Variants in WHRN observed in about 807,000 individuals in gnomAD.
The protein encoded by WHRN is CASK-interacting protein CIP98.
A neutral mutation model predicts 68.3 loss-of-function variants in WHRN; 41 were observed. That is an observed-to-expected ratio of 0.60 (90% CI 0.47 to 0.78). The LOEUF is 0.78. WHRN is among the 30% of genes least tolerant of loss of function. WHRN has a pLI of 0.00. For missense variants in WHRN, 1,243 were observed against 1,244.7 expected (o/e 1.00, Z 0.02); for synonymous variants, 560 against 561.3 (o/e 1.00, Z 0.03).
chr9:114,405,328 C>T (rs117421574), intron 9 of WHRN, among the ~76,000 whole-genome samples: 9,250 of 152,128 alleles, frequency 0.061, 397 homozygotes, highest in Middle Eastern at 0.095. Context: ...TGCCCGTCTC[C>T]GCCTCCCAAA....
intron 2 of WHRN, among the ~76,000 whole-genome samples, chr9:114,478,018 A>G (rs1841792752): frequency 6.6e-6 from 1 of 152,140 alleles, no homozygotes; most frequent in Non-Finnish European, 1.5e-5. Context: ...GGGGGATGGA[A>G]GATGGAGGGA....
intron 3 of WHRN, among the ~76,000 whole-genome samples, chr9:114,439,414 T>A (rs1838174818): frequency 6.6e-6 from 1 of 152,204 alleles, no homozygotes; most frequent in Non-Finnish European, 1.5e-5. Flanking sequence ...AAGCTCTACT[T>A]CACATGGCAA....
In WHRN at chr9:114,467,215, C is replaced by A. The variant is rs1002305803; in HGVS notation, c.838-823G>T. The stretch of plus-strand genomic sequence containing the variant: ...CCCCAGGGGTCTTCTGCTCTGCCAT[C>A]CATCCTGAGGGACCATGATGGTCCC... On this transcript the variant is annotated intron_variant, in intron 2 of 11. Coordinates refer to ENST00000362057, the MANE Select transcript of WHRN (RefSeq NM_015404.4). 3.9e-5 allele frequency among the ~76,000 whole-genome samples: 6 copies of A among 152,072 alleles called. No individual in the cohort carries two copies. The East Asian group carries it at 7.7e-4, about 20-fold the overall frequency.
At chr9:114,504,113 T>C (rs1012076846) in intron 1 of WHRN, 71 bp downstream of exon 1, 8 of 1,605,362 alleles carry the variant, frequency 5.0e-6, no homozygotes, top group Non-Finnish European at 6.8e-6. Flanking sequence ...ACACACAGCA[T>C]GGAGTTACTG....
chr9:114,499,184 A>T (rs1369935519), intron 1 of WHRN, among the ~76,000 whole-genome samples: 5 of 152,366 alleles, frequency 3.3e-5, no homozygotes, highest in East Asian at 3.9e-4. Flanking sequence ...TGCTTCCTGC[A>T]GCTGACATCA....
In WHRN at chr9:114,423,427, C is replaced by A; in HGVS notation, c.1513G>T (p.Ala505Ser). 6.2e-7 allele frequency: 1 copy of A among 1,614,060 alleles called. No individual in the cohort carries two copies. ...VLRREIESMK[A>S]RQPPGPGAGD... ...GCCCCGGGGCCTGGGGGCTGCCGCG[C>A]CTTCATGGACTCAATCTCACGCCTC... Residue 505 changes from alanine (A) to serine (S), a missense_variant, in exon 7 of 12, where the codon GCG becomes TCG. Physicochemically the swap from Ala to Ser is moderately conservative, Grantham distance 99. Transcript: ENST00000362057.
chr9:114,422,174 C>G (rs1836349879), intron 7 of WHRN, among the ~76,000 whole-genome samples: 1 of 152,188 alleles, frequency 6.6e-6, no homozygotes, highest in African/African-American at 2.4e-5. Context: ...ACCGTATCTA[C>G]CTCCAGTCTG....
chr9:114,406,619 T>G lies in WHRN; in HGVS notation c.1972A>C (p.Asn658His). 6.2e-7 allele frequency: 1 copy of G among 1,611,378 alleles called. No homozygotes were observed. Among genetic ancestry groups the G allele is most frequent in the Non-Finnish European group, 8.5e-7 (1 of 1,178,106 alleles). ...SPIYASVSPANPSSKRPLDAH... is the reference protein window; with the variant it reads ...SPIYASVSPAHPSSKRPLDAH... ...TCCAGCGGCCTCTTGGAGCTGGGGT[T>G]GGCAGGGGAGACGGAGGCATAGATG... Residue 658 changes from asparagine to histidine, a missense_variant, in exon 9 of 12, where the codon AAC (asparagine) becomes CAC (histidine). Asn to His is a moderately conservative substitution (Grantham distance 68). Transcript: ENST00000362057.
chr9:114,412,584 A>C (rs1835526033), intron 7 of WHRN, among the ~76,000 whole-genome samples: 1 of 152,218 alleles, frequency 6.6e-6, no homozygotes, highest in Non-Finnish European at 1.5e-5. Flanking sequence ...ATCCCCGACA[A>C]AAACCTGCTT....
At chr9:114,434,594 T>G (rs764298858) in intron 3 of WHRN, among the ~76,000 whole-genome samples, 38 of 152,088 alleles carry the variant, frequency 2.5e-4, no homozygotes, top group Non-Finnish European at 4.7e-4. Flanking sequence ...CCAAACCCAC[T>G]GGATCTATCA....
At chr9:114,451,519 G>C (rs975225383) in intron 3 of WHRN, among the ~76,000 whole-genome samples, 3 of 152,150 alleles carry the variant, frequency 2.0e-5, no homozygotes, top group African/African-American at 7.2e-5. Flanking sequence ...TTATTATGGA[G>C]ACATCAGAAA....
At chr9:114,500,502 A>C (rs1034115672) in intron 1 of WHRN, among the ~76,000 whole-genome samples, 11 of 152,232 alleles carry the variant, frequency 7.2e-5, no homozygotes, top group African/African-American at 2.7e-4. Flanking sequence ...AATCACTCTA[A>C]TTAAATGAAA....
At chr9:114,412,312 G>C (rs1835502020) in intron 7 of WHRN, among the ~76,000 whole-genome samples, 1 of 152,204 alleles carries the variant, frequency 6.6e-6, no homozygotes. Flanking sequence ...CAAGGTCAGA[G>C]CTCATGCAGG....
intron 7 of WHRN, among the ~76,000 whole-genome samples, chr9:114,413,284 T>C (rs943791309): frequency 6.6e-6 from 1 of 151,894 alleles, no homozygotes; most frequent in Non-Finnish European, 1.5e-5. Flanking sequence ...CGGAGAGCAA[T>C]GTAGAGAAAC....
chr9:114,441,978 G>C (rs1186235402), intron 3 of WHRN, among the ~76,000 whole-genome samples: 1 of 152,068 alleles, frequency 6.6e-6, no homozygotes, highest in Non-Finnish European at 1.5e-5. Context: ...CTAACATCAC[G>C]GGACCCACCA....
rs1013349102 is a variant in WHRN at position 114,490,974 on chromosome 9, GTTCTT to G, written c.619-12208_619-12204del. 2.2e-4 allele frequency among the ~76,000 whole-genome samples: 33 copies of G among 152,076 alleles called. 1 individual carries two copies. Among genetic ancestry groups the G allele is most frequent in the African/African-American group, 8.0e-4 (33 of 41,414 alleles). On this transcript the variant is annotated intron_variant, in intron 1 of 11. Transcript: ENST00000362057. ...AATTTAAGTAAATTGCTTTATAAAT[GTTCTT>G]TTAAGTTTTGTCTGTTTATTCTTTT...
chr9:114,405,747 G>T (rs879341909), intron 9 of WHRN, among the ~76,000 whole-genome samples: 14 of 152,338 alleles, frequency 9.2e-5, no homozygotes, highest in Middle Eastern at 6.8e-3. Flanking sequence ...CACTGTAGCC[G>T]CAAGATGGCA....
rs763305432 is a variant in WHRN at position 114,424,319 on chromosome 9, C to A, written c.1416+15G>T. On this transcript the variant is annotated intron_variant, in intron 6 of 11. Transcript: ENST00000362057. Reference sequence around the variant, plus strand: ...GGAAATGCTGAAGCCAGTTGGGAGGCAGGGCACGGGTCACCTTGGCGTGGG... The same window carrying A: ...GGAAATGCTGAAGCCAGTTGGGAGGAAGGGCACGGGTCACCTTGGCGTGGG... 1.2e-6 allele frequency: 2 copies of A among 1,612,158 alleles called. No individual in the cohort carries two copies. The highest frequency in any genetic ancestry group is 3.3e-5 in the Admixed American group (2 of 60,020).
intron 6 of WHRN, 132 bp from the exon 7 acceptor site, chr9:114,423,655 T>G: frequency 2.3e-6 from 2 of 867,548 alleles, no homozygotes; most frequent in Non-Finnish European, 3.5e-6. Flanking sequence ...GGCTCCCCAG[T>G]GCTCTCAAGA....
Sources: allele counts gnomAD v4.1 joint callset (sites outside exome capture counted in the v4.1 genomes callset), GRCh38; gene constraint gnomAD v4.1.1; transcripts MANE v1.5; gene names NCBI Gene and HGNC (gene_info 2026-07-23, HGNC 2026-07-21).